The following TENM1 variants were observed in gnomAD, a reference collection of about 807,000 sequenced individuals.
TENM1 encodes the protein teneurin-1.
Under a neutral mutation model 174.8 loss-of-function variants are expected in TENM1, and 35 were observed. The observed-to-expected ratio is 0.20, with a 90% CI of 0.15 to 0.27. The LOEUF (loss-of-function observed/expected upper bound fraction) is 0.27. TENM1 is among the 10% of genes least tolerant of loss of function. The probability of loss-of-function intolerance (pLI) is 1.00; values close to 1 mark genes in which losing one functional copy is unlikely to be tolerated. For synonymous variants in TENM1, 781 were observed against 798.7 expected (o/e 0.98, Z 0.37); for missense variants, 1,633 against 2,130.1 (o/e 0.77, Z 4.59).
intron 25 of TENM1, among the ~76,000 whole-genome samples, chrX:124,408,654 T>A (rs190762734): frequency 4.5e-5 from 5 of 111,517 alleles, no homozygotes; most frequent in Admixed American, 2.9e-4. Context: ...TTCTTTCTTT[T>A]TTACAATAGT....
intron 11 of TENM1, among the ~76,000 whole-genome samples, chrX:124,595,525 C>T (rs2049869785): frequency 9.0e-6 from 1 of 111,367 alleles, no homozygotes; most frequent in Non-Finnish European, 1.9e-5. Flanking sequence ...TAGACTATAG[C>T]CACAAATAAA....
chrX:124,688,440 T>G (rs1876531536), intron 5 of TENM1: 1 of 109,390 alleles, frequency 9.1e-6, no homozygotes, highest in Non-Finnish European at 1.9e-5. Flanking sequence ...TAAAAATAAG[T>G]ACAATTTCCA....
the TENM1 span, among the ~76,000 whole-genome samples, chrX:125,121,385 T>C: frequency 6.2e-5 from 7 of 112,216 alleles, no homozygotes; most frequent in Non-Finnish European, 1.3e-4. Flanking sequence ...ATTTATGTTG[T>C]TGGCTGAATG....
chrX:125,174,299 G>T, the TENM1 span, among the ~76,000 whole-genome samples: 45 of 111,681 alleles, frequency 4.0e-4, no homozygotes, highest in Non-Finnish European at 5.1e-4. Context: ...AAAGGTAGAT[G>T]AAATCCCCAA....
At chrX:124,823,967 C>A (rs950113793) in intron 3 of TENM1, among the ~76,000 whole-genome samples, 1 of 111,265 alleles carries the variant, frequency 9.0e-6, no homozygotes, top group Non-Finnish European at 1.9e-5. Context: ...ATGAAAAACA[C>A]CCCATGCCAG....
At chrX:124,667,861 A>G in intron 6 of TENM1, among the ~76,000 whole-genome samples, 1 of 107,495 alleles carries the variant, frequency 9.3e-6, no homozygotes, top group Non-Finnish European at 1.9e-5. Context: ...CATGAGAAGC[A>G]GATATATAAT....
chrX:124,851,236 T>C (rs1390126213), intron 3 of TENM1, among the ~76,000 whole-genome samples: 1 of 111,654 alleles, frequency 9.0e-6, no homozygotes, highest in Non-Finnish European at 1.9e-5. Flanking sequence ...TCTTGACCTT[T>C]ATAAATCACT....
chrX:125,035,915 C>T, the TENM1 span, among the ~76,000 whole-genome samples: 1 of 110,737 alleles, frequency 9.0e-6, no homozygotes, highest in Non-Finnish European at 1.9e-5. Flanking sequence ...TAGCATGTCA[C>T]TCTCAACAAG....
the TENM1 span, chrX:125,204,047 A>G: frequency 3.5e-5 from 4 of 113,657 alleles, no homozygotes. Flanking sequence ...AACCGAACCT[A>G]GCTACTATTG....
At chrX:124,526,282 T>C (rs1424310422) in intron 16 of TENM1, among the ~76,000 whole-genome samples, 3 of 112,138 alleles carry the variant, frequency 2.7e-5, no homozygotes, top group Non-Finnish European at 5.6e-5. Context: ...TCCAGTCTTC[T>C]AGCCTGCCCG....
the TENM1 span, among the ~76,000 whole-genome samples, chrX:125,050,316 C>T: frequency 3.7e-5 from 4 of 109,520 alleles, no homozygotes; most frequent in African/African-American, 1.0e-4. Context: ...CCCCCCTGCC[C>T]CCACCCCACA....
At chrX:124,554,350 T>C (rs2843518) in intron 14 of TENM1, among the ~76,000 whole-genome samples, 29,255 of 110,591 alleles carry the variant, frequency 0.26, 2,963 homozygotes, top group South Asian at 0.42. Context: ...ATATCAAGTA[T>C]CAGTAGCCTT....
At chrX:124,587,822 A>ATTTTCTT (rs2049584239) in intron 11 of TENM1, among the ~76,000 whole-genome samples, 1 of 111,385 alleles carries the variant, frequency 9.0e-6, no homozygotes, top group Non-Finnish European at 1.9e-5. Flanking sequence ...GAATCTACAA[A>ATTTTCTT]GAACTCAAAC....
At chrX:124,769,288 T>C (rs1436587611) in intron 3 of TENM1, among the ~76,000 whole-genome samples, 2 of 111,760 alleles carry the variant, frequency 1.8e-5, no homozygotes, top group Non-Finnish European at 3.8e-5. Context: ...TTAATGTTTA[T>C]GTTTTGTGAT....
At chrX:125,180,529 T>A in the TENM1 span, among the ~76,000 whole-genome samples, 5 of 107,061 alleles carry the variant, frequency 4.7e-5, no homozygotes. Context: ...TAAATAAAAA[T>A]AAAAAATATA....
intron 10 of TENM1, among the ~76,000 whole-genome samples, chrX:124,642,833 T>A (rs529979897): frequency 8.9e-6 from 1 of 112,567 alleles, no homozygotes; most frequent in African/African-American, 3.2e-5. Context: ...CTAGTCTTTC[T>A]ATACAAATAA....
the TENM1 span, among the ~76,000 whole-genome samples, chrX:125,071,394 C>T: frequency 9.0e-6 from 1 of 111,634 alleles, no homozygotes. Flanking sequence ...ATCCCAATCT[C>T]CTACTTTTCC....
chrX:125,129,560 T>C, the TENM1 span, among the ~76,000 whole-genome samples: 1 of 111,167 alleles, frequency 9.0e-6, no homozygotes, highest in Admixed American at 9.6e-5. Context: ...TCATTCTTTC[T>C]ATTTTTTATA....
At chrX:125,036,332 C>G in the TENM1 span, among the ~76,000 whole-genome samples, 1 of 111,742 alleles carries the variant, frequency 8.9e-6, no homozygotes, top group African/African-American at 3.2e-5. Context: ...CTAAATAAAG[C>G]ATCGTGGCTT....
Sources: gnomAD v4.1 joint callset for allele counts (sites outside exome capture counted in the v4.1 genomes callset) on GRCh38, gnomAD v4.1.1 for gene constraint, MANE v1.5 for transcripts, NCBI Gene and HGNC (gene_info 2026-07-23, HGNC 2026-07-21) for gene names.